NEO1: variants seen among roughly 807,000 people sequenced by gnomAD.
The protein encoded by NEO1 is neogenin.
NEO1 carries 63 observed loss-of-function variants against 159.7 expected under a neutral mutation model. The ratio of observed to expected loss-of-function variants is 0.39; its 90% CI spans 0.32 to 0.49. NEO1 has a LOEUF of 0.49. NEO1 is among the 20% of genes least tolerant of loss of function. NEO1 has a pLI of 0.85. For synonymous variants in NEO1, 633 were observed against 662.0 expected (o/e 0.96, Z 0.67); for missense variants, 1,615 against 1,831.0 (o/e 0.88, Z 2.15).
Position 73,052,755 on chromosome 15 carries a change from G to C in NEO1, c.80G>C (p.Arg27Pro). 2.4e-6 allele frequency: 3 copies of C among 1,270,588 alleles called. No homozygotes were observed. Among genetic ancestry groups the C allele is most frequent in the Non-Finnish European group, 3.0e-6 (3 of 1,002,372 alleles). 78.7% of individuals were successfully genotyped at this position (1,270,588 alleles called of 1,614,324 possible). The stretch of plus-strand genomic sequence containing the variant: ...TACTGCCTGCTGCTGCTCGGGCGCC[G>C]GGCGCCGGGCGCCGCGGCCGCCAGG... The part of the protein sequence containing the change: ...WLYCLLLLGR[R>P]APGAAAARSG... The change falls in exon 1 of 29, where the codon CGG becomes CCG. Residue 27 changes from arginine (R) to proline (P), a missense_variant. Arg to Pro is a moderately radical substitution (Grantham distance 103). Coordinates refer to ENST00000261908, the MANE Select transcript of NEO1 (RefSeq NM_002499.4).
chr15:73,277,483 A>G (rs935929927), intron 21 of NEO1, among the ~76,000 whole-genome samples: 1 of 152,142 alleles, frequency 6.6e-6, no homozygotes, highest in African/African-American at 2.4e-5. Context: ...CTGATGATGG[A>G]TTAGGAGACA....
intron 1 of NEO1, among the ~76,000 whole-genome samples, chr15:73,056,115 C>T (rs138995199): frequency 6.6e-6 from 1 of 152,338 alleles, no homozygotes; most frequent in African/African-American, 2.4e-5. Flanking sequence ...AACTCTTTGG[C>T]ATGGAGATTG....
intron 26 of NEO1, among the ~76,000 whole-genome samples, chr15:73,296,907 C>A (rs1182729310): frequency 6.6e-6 from 1 of 152,174 alleles, no homozygotes; most frequent in Non-Finnish European, 1.5e-5. Context: ...TGGAATTTTT[C>A]ATTTAAATTT....
At chr15:73,105,745 A>G (rs1404103548) in intron 1 of NEO1, among the ~76,000 whole-genome samples, 1 of 152,010 alleles carries the variant, frequency 6.6e-6, no homozygotes, top group Non-Finnish European at 1.5e-5. Context: ...TTGTGTAATT[A>G]TTTTTTCATG....
intron 7 of NEO1, among the ~76,000 whole-genome samples, chr15:73,210,986 G>A (rs984270453): frequency 7.2e-5 from 11 of 152,120 alleles, no homozygotes; most frequent in African/African-American, 1.9e-4. Flanking sequence ...CAAAGAAAAC[G>A]AATGTCATAA....
intron 1 of NEO1, among the ~76,000 whole-genome samples, chr15:73,081,291 T>TA (rs1313548609): frequency 6.6e-6 from 1 of 152,144 alleles, no homozygotes; most frequent in African/African-American, 2.4e-5. Flanking sequence ...GGACTATAGA[T>TA]AATCACATTT....
rs869160109 is a variant in NEO1, at chr15:73,134,556, C to CT, written c.879-1323dup. 3.5e-3 allele frequency among the ~76,000 whole-genome samples: 498 copies of CT among 143,284 alleles called. 1 individual carries two copies. The highest frequency in any genetic ancestry group is 9.7e-3 in the African/African-American group (381 of 39,238). The allele number at this position is 143,284 out of a possible 152,430, so 94.0% of individuals were successfully genotyped here. A position where few individuals can be genotyped will look rare whatever the true frequency, so the allele number is the denominator to read the frequency against. On this transcript the variant is annotated intron_variant, in intron 4 of 28. Coordinates refer to ENST00000261908, the MANE Select transcript of NEO1 (RefSeq NM_002499.4). ...TTTTTTTTTAATCCTATAAGGAATT[C>CT]TTTTTTTTTTTTGAGATGGAGTCTT... is the stretch of plus-strand genomic sequence containing the variant.
At chr15:73,120,700 G>A (rs916889509) in intron 2 of NEO1, among the ~76,000 whole-genome samples, 13 of 151,574 alleles carry the variant, frequency 8.6e-5, no homozygotes, top group African/African-American at 3.2e-4. Context: ...CTGAGTCTTA[G>A]GGAGTGGTTA....
intron 2 of NEO1, among the ~76,000 whole-genome samples, chr15:73,117,095 A>G (rs1404940024): frequency 1.3e-5 from 2 of 152,216 alleles, no homozygotes; most frequent in African/African-American, 2.4e-5. Context: ...TGCTATCAGA[A>G]GTACTGAGCA....
chr15:73,192,417 G>A (rs554544351), intron 7 of NEO1, among the ~76,000 whole-genome samples: 1 of 152,074 alleles, frequency 6.6e-6, no homozygotes, highest in South Asian at 2.1e-4. Context: ...ACTAGAGTAT[G>A]AGGAAACATA....
chr15:73,135,825 A>C (rs1441623376), intron 4 of NEO1, 66 bp from the exon 5 acceptor site: 9 of 1,340,356 alleles, frequency 6.7e-6, no homozygotes, highest in Non-Finnish European at 8.8e-6. Context: ...TTATGTGGAG[A>C]GTTTTTCAGG....
intron 1 of NEO1, among the ~76,000 whole-genome samples, chr15:73,067,824 G>A (rs2068300662): frequency 6.6e-6 from 1 of 152,036 alleles, no homozygotes; most frequent in Non-Finnish European, 1.5e-5. Context: ...CACTGTGTTA[G>A]CTAGGATGGT....
intron 1 of NEO1, among the ~76,000 whole-genome samples, chr15:73,111,995 T>G (rs1273219235): frequency 6.6e-6 from 1 of 152,130 alleles, no homozygotes; most frequent in African/African-American, 2.4e-5. Flanking sequence ...AACTATTTTA[T>G]CTGCTTGGGG....
intron 7 of NEO1, among the ~76,000 whole-genome samples, chr15:73,208,600 G>A (rs975091799): frequency 6.6e-6 from 1 of 152,170 alleles, no homozygotes; most frequent in Non-Finnish European, 1.5e-5. Context: ...GATGACTCAT[G>A]CCTGTAATCC....
intron 22 of NEO1, among the ~76,000 whole-genome samples, chr15:73,279,949 T>G (rs1037393341): frequency 6.6e-6 from 1 of 152,142 alleles, no homozygotes; most frequent in African/African-American, 2.4e-5. Context: ...AATCAGCCTG[T>G]CAAAAACTCA....
chr15:73,189,542 C>G (rs1170761521), intron 7 of NEO1, among the ~76,000 whole-genome samples: 1 of 73,702 alleles, frequency 1.4e-5, no homozygotes, highest in Non-Finnish European at 4.1e-5. Context: ...TCAAAACCTT[C>G]TTTAAAAATA....
intron 1 of NEO1, among the ~76,000 whole-genome samples, chr15:73,103,768 G>A (rs895132782): frequency 6.6e-6 from 1 of 152,130 alleles, no homozygotes; most frequent in Non-Finnish European, 1.5e-5. Context: ...AGGTGGGTTA[G>A]GGTGCAAGAA....
intron 7 of NEO1, among the ~76,000 whole-genome samples, chr15:73,195,951 A>C (rs895060398): frequency 6.6e-6 from 1 of 152,210 alleles, no homozygotes; most frequent in African/African-American, 2.4e-5. Context: ...TGTCAACTAC[A>C]TCCTAGAAAA....
intron 5 of NEO1, among the ~76,000 whole-genome samples, chr15:73,148,334 A>G (rs2033096374): frequency 6.6e-6 from 1 of 152,286 alleles, no homozygotes; most frequent in African/African-American, 2.4e-5. Flanking sequence ...AATTTTAGTT[A>G]GGTTCCCCTT....
Sources: allele counts gnomAD v4.1 joint callset (sites outside exome capture counted in the v4.1 genomes callset), GRCh38; gene constraint gnomAD v4.1.1; transcripts MANE v1.5; gene names NCBI Gene and HGNC (gene_info 2026-07-23, HGNC 2026-07-21).